The following SNX31 variants were observed in gnomAD, a reference collection of about 807,000 sequenced individuals.
SNX31 encodes sorting nexin-31.
SNX31 carries 58 observed loss-of-function variants against 65.4 expected under a neutral mutation model. The observed-to-expected ratio is 0.89, with a 90% CI of 0.72 to 1.10. SNX31 has a LOEUF of 1.10. SNX31 is among the 50% of genes least tolerant of loss of function. The pLI, the probability that SNX31 is intolerant of heterozygous loss-of-function variation, is 0.00. For synonymous variants in SNX31, 181 were observed against 190.1 expected (o/e 0.95, Z 0.39); for missense variants, 523 against 529.7 (o/e 0.99, Z 0.12).
chr8:100,649,668 A>C, upstream of SNX31: 2 of 660,558 alleles, frequency 3.0e-6, no homozygotes, highest in Non-Finnish European at 4.9e-6. Flanking sequence ...GGACATCTAC[A>C]GGTGGGGCCG....
At chr8:100,611,921 G>T in intron 7 of SNX31, 79 bp downstream of exon 7, 4 of 1,091,082 alleles carry the variant, frequency 3.7e-6, no homozygotes, top group South Asian at 1.3e-5. Flanking sequence ...TGAGCAGGAT[G>T]TGACGGGACT....
upstream of SNX31, among the ~76,000 whole-genome samples, chr8:100,654,169 G>C (rs891100296): frequency 6.6e-6 from 1 of 151,938 alleles, no homozygotes; most frequent in Non-Finnish European, 1.5e-5. Context: ...ATCACACCCG[G>C]CTAATTTTTT....
In SNX31 at chr8:100,609,592, C is replaced by A. The variant is rs1816519405; in HGVS notation, c.612-1029G>T. Among the ~76,000 whole-genome samples the A allele has an allele frequency of 6.6e-6, 1 of 152,008 alleles. No homozygotes were observed. Among genetic ancestry groups the A allele is most frequent in the Non-Finnish European group, 1.5e-5 (1 of 68,016 alleles). Reference sequence around the variant, plus strand: ...GGACTGAAACTGTCAGGAAAGGGTACCTATGGCTGATCTCTACCAACCAGA... The same window carrying A: ...GGACTGAAACTGTCAGGAAAGGGTAACTATGGCTGATCTCTACCAACCAGA... On this transcript the variant is annotated intron_variant, in intron 7 of 13. Coordinates refer to ENST00000311812, the MANE Select transcript of SNX31 (RefSeq NM_152628.4). This position sits in a 1 kb window ranked among gnomAD's most constrained non-coding sequence, Gnocchi z 4.9.
Position 100,648,666 on chromosome 8 carries a change from A to C in SNX31, c.141+608T>G, listed in dbSNP as rs1819814168. ...ACCCATTAGAGCAGACTAATAAATCAGTCTGCCTCCCAGAGAAAATACTGT... is the reference window on the plus strand; with the variant it reads ...ACCCATTAGAGCAGACTAATAAATCCGTCTGCCTCCCAGAGAAAATACTGT... On this transcript the variant is annotated intron_variant, in intron 2 of 13. Transcript: ENST00000311812. This position sits in a 1 kb window ranked among gnomAD's most constrained non-coding sequence, Gnocchi z 4.3. Among the ~76,000 whole-genome samples, 1 of 152,202 alleles carries C rather than the reference A, an allele frequency of 6.6e-6. No homozygotes were observed. The highest frequency in any genetic ancestry group is 1.5e-5 in the Non-Finnish European group (1 of 68,022).
At chr8:100,640,023 A>G (rs1395568250) in intron 2 of SNX31, among the ~76,000 whole-genome samples, 1 of 152,160 alleles carries the variant, frequency 6.6e-6, no homozygotes, top group African/African-American at 2.4e-5. Flanking sequence ...ATATGACCCA[A>G]AGTATAAAGT....
intron 8 of SNX31, among the ~76,000 whole-genome samples, 159 bp downstream of exon 8, chr8:100,608,335 C>CA (rs796206904): frequency 2.5e-4 from 38 of 152,206 alleles, no homozygotes; most frequent in African/African-American, 6.5e-4. Context: ...CTCCACCCCC[C>CA]ACAGCCCCTG....
chr8:100,612,210 C>T lies in SNX31; in HGVS notation c.524-123G>A, dbSNP rs1426145669. 3.2e-6 allele frequency: 2 copies of T among 626,356 alleles called. No homozygotes were observed. Among genetic ancestry groups the T allele is most frequent in the Admixed American group, 3.1e-5 (1 of 31,864 alleles). The allele number at this position is 626,356 out of a possible 1,614,324, so 38.8% of individuals were successfully genotyped here. ...ATAATAAAATCACAGTAAGAATATC[C>T]TCTGTATTTACACGTAATTTTAACT... is the stretch of plus-strand genomic sequence containing the variant. On this transcript the variant is annotated intron_variant, in intron 6 of 13. Transcript: ENST00000311812. The surrounding 1 kb of genome is among the most constrained non-coding windows in gnomAD (Gnocchi z 4.3).
chr8:100,607,257 A>G lies in SNX31; in HGVS notation c.681+1237T>C, dbSNP rs562151861. Among the ~76,000 whole-genome samples the G allele has an allele frequency of 5.9e-5, 9 of 152,324 alleles. No homozygotes were observed. The East Asian group carries it at 1.7e-3, about 29-fold the overall frequency. On this transcript the variant is annotated intron_variant, in intron 8 of 13. Coordinates refer to ENST00000311812, the MANE Select transcript of SNX31 (RefSeq NM_152628.4). ...AAAGAAGCTTCTGAGCTTTCTTCCC[A>G]GAATTGTGGAGCCAAGCCTGGAAAA...
At position 100,577,013 on chromosome 8, in the gene SNX31, AC is replaced by A. The variant is rs779977049; in HGVS notation, c.1227+5del. On this transcript the variant is annotated splice_donor_5th_base_variant and intron_variant, in intron 13 of 13. Transcript: ENST00000311812. ...ATGTACCAATTACATAATTTTACTCACAGACCTGGCTTTGTTGAATGTGGTA... is the reference window on the plus strand; with the variant it reads ...ATGTACCAATTACATAATTTTACTCAAGACCTGGCTTTGTTGAATGTGGTA... The A allele has an allele frequency of 7.1e-5, 115 of 1,610,694 alleles. No homozygotes were observed. The South Asian group carries it at 1.2e-3, about 17-fold the overall frequency.
At chr8:100,583,652 C>T (rs1298543647) in intron 12 of SNX31, among the ~76,000 whole-genome samples, 1 of 151,980 alleles carries the variant, frequency 6.6e-6, no homozygotes, top group Non-Finnish European at 1.5e-5. Flanking sequence ...TTTACTACCT[C>T]CCCCAACTGT....
intron 2 of SNX31, among the ~76,000 whole-genome samples, chr8:100,637,659 A>G (rs1818874264): frequency 1.3e-5 from 2 of 152,138 alleles, no homozygotes; most frequent in East Asian, 1.9e-4. Flanking sequence ...CCTTCAGTCT[A>G]TTCCTAACAC....
At chr8:100,585,149 A>C (rs1180951393) in intron 11 of SNX31, among the ~76,000 whole-genome samples, 1 of 152,168 alleles carries the variant, frequency 6.6e-6, no homozygotes, top group Non-Finnish European at 1.5e-5. Context: ...TGCTACACAA[A>C]AGCTGGGCTT....
rs1816576922 is a variant in SNX31 at position 100,610,163 on chromosome 8, A to G, written c.612-1600T>C. Among the ~76,000 whole-genome samples the G allele has an allele frequency of 1.3e-5, 2 of 152,242 alleles. No individual in the cohort carries two copies. Among genetic ancestry groups the G allele is most frequent in the African/African-American group, 2.4e-5 (1 of 41,468 alleles). On this transcript the variant is annotated intron_variant, in intron 7 of 13. Coordinates refer to ENST00000311812, the MANE Select transcript of SNX31 (RefSeq NM_152628.4). This position sits in a 1 kb window ranked among gnomAD's most constrained non-coding sequence, Gnocchi z 4.0. The stretch of plus-strand genomic sequence containing the variant: ...TCCCATCAACAGAGGCAATCTGCCT[A>G]GATCTGAGATGCTGGCTAATAATTT...
At chr8:100,654,592 G>T (rs1381690657), upstream of SNX31, among the ~76,000 whole-genome samples, 1 of 152,334 alleles carries the variant, frequency 6.6e-6, no homozygotes, top group South Asian at 2.1e-4. Context: ...GCTGGGAATC[G>T]AGCCATGGCA....
intron 4 of SNX31, chr8:100,618,546 A>G (rs1817435803): frequency 5.3e-6 from 3 of 566,740 alleles, no homozygotes; most frequent in Non-Finnish European, 9.3e-6. Flanking sequence ...CAGCTCCACA[A>G]GACTACCCCC....
Position 100,609,065 on chromosome 8 carries a change from AC to A in SNX31, c.612-503del, listed in dbSNP as rs1816466102. Among the ~76,000 whole-genome samples the A allele has an allele frequency of 6.6e-6, 1 of 152,024 alleles. No homozygotes were observed. The highest frequency in any genetic ancestry group is 6.6e-5 in the Admixed American group (1 of 15,258). On this transcript the variant is annotated intron_variant, in intron 7 of 13. Transcript: ENST00000311812. This position sits in a 1 kb window ranked among gnomAD's most constrained non-coding sequence, Gnocchi z 4.9. ...TAACCAGAGTGGTCTTTCCTGTGAAACTTTTCAGACTCTCATTGTTCCTGGA... is the reference window on the plus strand; with the variant it reads ...TAACCAGAGTGGTCTTTCCTGTGAAATTTTCAGACTCTCATTGTTCCTGGA...
In SNX31 at chr8:100,600,385, T is replaced by A; in HGVS notation, c.738A>T (p.Lys246Asn). The change falls in exon 9 of 14, where the codon AAA (lysine) becomes AAT (asparagine). Residue 246 changes from lysine (K) to asparagine (N), a missense_variant. Transcript: ENST00000311812. ...TGTCTTCTTTCTGGAAAGCTTCTAA[T>A]TTCTGCCTCTGTGCCTGTGTGGGTT... ...WAKPTQAQRQ[K>N]LEAFQKEDSQ... 6.2e-7 allele frequency: 1 copy of A among 1,613,902 alleles called. No individual in the cohort carries two copies. Among genetic ancestry groups the A allele is most frequent in the Non-Finnish European group, 8.5e-7 (1 of 1,179,846 alleles).
At position 100,581,325 on chromosome 8, in the gene SNX31, C is replaced by CTATATATATATATCTATA. The variant is rs1401988460; in HGVS notation, c.1170+2785_1170+2786insTATAGATATATATATATA. On this transcript the variant is annotated intron_variant, in intron 12 of 13. Coordinates refer to ENST00000311812, the MANE Select transcript of SNX31 (RefSeq NM_152628.4). ...AAAAAAATTTTTTATATATCTATAT[C>CTATATATATATATCTATA]TATCTATCTATCTATATATATATAT... 2.2e-4 allele frequency among the ~76,000 whole-genome samples: 28 copies of CTATATATATATATCTATA among 129,350 alleles called. 2 individuals are homozygous for CTATATATATATATCTATA. The highest frequency in any genetic ancestry group is 9.3e-4 in the African/African-American group (27 of 28,948). The allele number at this position is 129,350 out of a possible 152,430, so 84.9% of individuals were successfully genotyped here.
In SNX31 at chr8:100,612,765, G is replaced by T. The variant is rs1163823107; in HGVS notation, c.523+230C>A. Among the ~76,000 whole-genome samples the T allele has an allele frequency of 4.6e-5, 7 of 152,022 alleles. No individual in the cohort carries two copies. The highest frequency in any genetic ancestry group is 1.4e-4 in the African/African-American group (6 of 41,386). On this transcript the variant is annotated intron_variant, in intron 6 of 13. Coordinates refer to ENST00000311812, the MANE Select transcript of SNX31 (RefSeq NM_152628.4). This position sits in a 1 kb window ranked among gnomAD's most constrained non-coding sequence, Gnocchi z 4.3. ...GGAGGGGGTCAGGATTAGGGCTGGG[G>T]GTACACAAGTGCAGTTACTGGACCA...
Sources: allele counts gnomAD v4.1 joint callset (sites outside exome capture counted in the v4.1 genomes callset), GRCh38; gene constraint gnomAD v4.1.1; non-coding constraint Gnocchi (gnomAD v3.1); transcripts MANE v1.5; gene names NCBI Gene and HGNC (gene_info 2026-07-23, HGNC 2026-07-21).